The following NBEA variants were observed in gnomAD, a reference collection of about 807,000 sequenced individuals.
NBEA encodes neurobeachin.
Under a neutral mutation model 343.4 loss-of-function variants are expected in NBEA, and 44 were observed. The observed-to-expected ratio is 0.13, with a 90% confidence interval of 0.10 to 0.16. The LOEUF (loss-of-function observed/expected upper bound fraction) is 0.16. NBEA is among the 10% of genes least tolerant of loss of function. NBEA has a pLI of 1.00. For synonymous variants in NBEA, 1,175 were observed against 1,238.7 expected, an observed-to-expected ratio of 0.95 and a Z score of 1.08; for missense variants, 2,555 against 3,631.3, an observed-to-expected ratio of 0.70 and a Z score of 7.62.
chr13:35,352,127 T>C, intron 37 of NBEA, 30 bp from the exon 38 acceptor site: 1 of 1,336,460 alleles, frequency 7.5e-7, no homozygotes, highest in Non-Finnish European at 9.8e-7. Context: ...AAAAAGTTTA[T>C]TATTATGCAT....
chr13:35,544,278 A>AT (rs1044179971), intron 41 of NBEA, among the ~76,000 whole-genome samples: 1 of 152,034 alleles, frequency 6.6e-6, no homozygotes, highest in Non-Finnish European at 1.5e-5. Flanking sequence ...CAAAATTTAG[A>AT]TTTTTTTCGT....
chr13:35,640,133 A>G (rs2083874654), intron 49 of NBEA, among the ~76,000 whole-genome samples: 2 of 152,222 alleles, frequency 1.3e-5, no homozygotes, highest in Non-Finnish European at 2.9e-5. Context: ...ATTTTACCTT[A>G]GTAGGAAGTC....
intron 41 of NBEA, among the ~76,000 whole-genome samples, chr13:35,504,378 C>G (rs2076994364): frequency 6.6e-6 from 1 of 152,102 alleles, no homozygotes; most frequent in Admixed American, 6.6e-5. Context: ...AACTGTTTCT[C>G]TTCCTTTCCC....
intron 31 of NBEA, among the ~76,000 whole-genome samples, chr13:35,204,223 G>A (rs758386396): frequency 6.6e-6 from 1 of 152,124 alleles, no homozygotes; most frequent in Non-Finnish European, 1.5e-5. Flanking sequence ...TCAAGGTTAA[G>A]TACTCCTTAT....
intron 44 of NBEA, among the ~76,000 whole-genome samples, chr13:35,558,167 C>T (rs1034324756): frequency 1.3e-5 from 2 of 152,130 alleles, no homozygotes; most frequent in African/African-American, 2.4e-5. Flanking sequence ...TTTTCCCTGA[C>T]TACAGAAGCA....
intron 39 of NBEA, among the ~76,000 whole-genome samples, chr13:35,434,029 A>G (rs1171577991): frequency 6.6e-6 from 1 of 152,108 alleles, no homozygotes; most frequent in Non-Finnish European, 1.5e-5. Context: ...CAAAGCTTTA[A>G]TTGTACAGAA....
chr13:35,191,694 T>A (rs2072207061), intron 30 of NBEA, among the ~76,000 whole-genome samples: 1 of 152,060 alleles, frequency 6.6e-6, no homozygotes, highest in African/African-American at 2.4e-5. Flanking sequence ...TAAATTACAG[T>A]GATTTAGTTT....
chr13:35,229,362 A>G (rs1056819647), intron 33 of NBEA, among the ~76,000 whole-genome samples: 1 of 152,114 alleles, frequency 6.6e-6, no homozygotes, highest in Non-Finnish European at 1.5e-5. Context: ...AATGAAAGTA[A>G]ACTTTCAGAG....
At chr13:35,272,695 G>A (rs1382187904) in intron 34 of NBEA, among the ~76,000 whole-genome samples, 2 of 151,932 alleles carry the variant, frequency 1.3e-5, no homozygotes, top group Non-Finnish European at 2.9e-5. Flanking sequence ...AAAAAAGCAG[G>A]GGTTGCAATC....
intron 38 of NBEA, among the ~76,000 whole-genome samples, chr13:35,356,001 A>G (rs1257815642): frequency 2.0e-5 from 3 of 151,860 alleles, no homozygotes; most frequent in African/African-American, 4.8e-5. Context: ...TCATAATGTA[A>G]TAGATTCTTT....
At chr13:35,500,343 G>A (rs560636213) in intron 41 of NBEA, among the ~76,000 whole-genome samples, 59 of 152,230 alleles carry the variant, frequency 3.9e-4, no homozygotes, top group Non-Finnish European at 6.0e-4. Flanking sequence ...TTATGTGAGT[G>A]CATGACTGTG....
chr13:34,962,049 A>C (rs2059676397), intron 1 of NBEA, among the ~76,000 whole-genome samples: 1 of 152,072 alleles, frequency 6.6e-6, no homozygotes, highest in Non-Finnish European at 1.5e-5. Flanking sequence ...AATACAAGTT[A>C]ATTTCACCTG....
intron 40 of NBEA, among the ~76,000 whole-genome samples, chr13:35,460,689 A>G (rs1471223812): frequency 6.6e-6 from 1 of 152,238 alleles, no homozygotes. Context: ...TCTTAATTGT[A>G]ACAACATCCT....
intron 33 of NBEA, among the ~76,000 whole-genome samples, chr13:35,228,322 T>A (rs969183568): frequency 6.6e-6 from 1 of 152,102 alleles, no homozygotes; most frequent in Non-Finnish European, 1.5e-5. Flanking sequence ...TAGAGTGGTT[T>A]ATAATTTCTC....
chr13:35,616,923 T>C (rs2082764119), intron 48 of NBEA, among the ~76,000 whole-genome samples: 1 of 152,226 alleles, frequency 6.6e-6, no homozygotes, highest in Non-Finnish European at 1.5e-5. Context: ...CCTCACGGTG[T>C]AGCATCCCTG....
intron 38 of NBEA, among the ~76,000 whole-genome samples, chr13:35,430,405 C>A (rs1219029360): frequency 6.6e-6 from 1 of 152,088 alleles, no homozygotes; most frequent in African/African-American, 2.4e-5. Context: ...GTTTACTCTA[C>A]TGATTATTTC....
intron 12 of NBEA, among the ~76,000 whole-genome samples, chr13:35,109,769 A>G (rs2066094982): frequency 6.6e-6 from 1 of 152,114 alleles, no homozygotes; most frequent in Admixed American, 6.6e-5. Flanking sequence ...GACTGTAATC[A>G]TTTTGCTGGA....
At position 35,467,917 on chromosome 13, in the gene NBEA, A is replaced by G. The variant is rs886155654; in HGVS notation, c.6449-4483A>G. On this transcript the variant is annotated intron_variant, in intron 40 of 58. Transcript: ENST00000379939. Reference sequence around the variant, plus strand: ...TATGTACCCTAAATATAGTTTACCAATTGAAAGTCATCAAATACTTCTAAC... The same window carrying G: ...TATGTACCCTAAATATAGTTTACCAGTTGAAAGTCATCAAATACTTCTAAC... 1.9e-4 allele frequency among the ~76,000 whole-genome samples: 29 copies of G among 152,316 alleles called. 1 individual carries two copies. The South Asian group carries it at 2.7e-3, about 14-fold the overall frequency.
chr13:35,235,148 T>TA lies in NBEA; in HGVS notation c.5776+2530dup, dbSNP rs1485654401. Among the ~76,000 whole-genome samples, 8 of 152,210 alleles carry TA rather than the reference T, an allele frequency of 5.3e-5. No individual in the cohort carries two copies. In the East Asian group the frequency reaches 1.5e-3, roughly 29 times the overall value. ...CATCATAGTTACGGATTCTAAAAGG[T>TA]ACTAGGTTATCAGTTGGTCCTTCTT... On this transcript the variant is annotated intron_variant, in intron 34 of 58. Transcript: ENST00000379939.
Sources: allele counts gnomAD v4.1 joint callset (sites outside exome capture counted in the v4.1 genomes callset), GRCh38; gene constraint gnomAD v4.1.1; transcripts MANE v1.5; gene names NCBI Gene and HGNC (gene_info 2026-07-23, HGNC 2026-07-21).